DDX55: variants seen among roughly 807,000 people sequenced by gnomAD.
The protein encoded by DDX55 is ATP-dependent RNA helicase DDX55.
Under a neutral mutation model 69.2 loss-of-function variants are expected in DDX55, and 56 were observed. The observed-to-expected ratio is 0.81, with a 90% confidence interval of 0.65 to 1.01. DDX55 has a LOEUF of 1.01. Ranked by LOEUF, DDX55 falls within the 50% of genes least tolerant of loss-of-function variation. The pLI, the probability that DDX55 is intolerant of heterozygous loss-of-function variation, is 0.00. For synonymous variants in DDX55, 268 were observed against 273.1 expected, an observed-to-expected ratio of 0.98 and a Z score of 0.18; for missense variants, 720 against 745.1, an observed-to-expected ratio of 0.97 and a Z score of 0.39.
At chr12:123,612,137 C>G (rs573877779) in intron 7 of DDX55, among the ~76,000 whole-genome samples, 1 of 152,156 alleles carries the variant, frequency 6.6e-6, no homozygotes, top group Non-Finnish European at 1.5e-5. Flanking sequence ...AGGAAATACT[C>G]GGAGCATTTT....
chr12:123,618,894 C>G, intron 12 of DDX55, 57 bp downstream of exon 12: 3 of 1,586,828 alleles, frequency 1.9e-6, no homozygotes, highest in Non-Finnish European at 2.6e-6. Context: ...GGTGGTCTTA[C>G]AAGTATGAGA....
At position 123,608,761 on chromosome 12, in the gene DDX55, T is replaced by C; in HGVS notation, c.483T>C (p.Cys161=). The C allele has an allele frequency of 1.2e-6, 2 of 1,614,162 alleles. No homozygotes were observed. Among genetic ancestry groups the C allele is most frequent in the East Asian group, 2.2e-5 (1 of 44,878 alleles). ...CCGAAGGCTTGGATCTGGCCAGCTG[T>C]GTGCGATCCCTGGATGTCCTGGTGT... is the stretch of plus-strand genomic sequence containing the variant. The part of the protein sequence containing the change: ...RKAEGLDLAS[C]VRSLDVLVLD... Residue 161 remains cysteine, a synonymous_variant, in exon 6 of 14, where the codon TGT becomes TGC. Coordinates refer to ENST00000238146, the MANE Select transcript of DDX55 (RefSeq NM_020936.3).
In DDX55 at chr12:123,617,794, T is replaced by A; in HGVS notation, c.1086T>A (p.Ile362=). The A allele has an allele frequency of 6.2e-7, 1 of 1,613,600 alleles. No homozygotes were observed. Among genetic ancestry groups the A allele is most frequent in the Non-Finnish European group, 8.5e-7 (1 of 1,179,886 alleles). ...ATCGCTGCGGTCGCACAGCTCGCAT[T>A]GGCCACGGGGGCAGCGCTCTGGTGT... ...FVHRCGRTAR[I]GHGGSALVFL... The change falls in exon 11 of 14, where the codon ATT becomes ATA. Residue 362 remains isoleucine (I), a synonymous_variant. Coordinates refer to ENST00000238146, the MANE Select transcript of DDX55 (RefSeq NM_020936.3).
chr12:123,613,219 A>G lies in DDX55; in HGVS notation c.791A>G (p.Asn264Ser), dbSNP rs11057306. ...KFNQLVHFLR[N>S]HKQEKHLVFF... The stretch of plus-strand genomic sequence containing the variant: ...AATCAGCTGGTCCATTTTCTTCGCA[A>G]TCATAAGCAGGAGAAACACCTGGTC... Residue 264 changes from asparagine to serine, a missense_variant, in exon 8 of 14, where the codon AAT becomes AGT. Asn to Ser is a conservative substitution (Grantham distance 46). Transcript: ENST00000238146. The G allele has an allele frequency of 0.14, 219,527 of 1,613,456 alleles. 17,499 individuals are homozygous for G. Among genetic ancestry groups the G allele is most frequent in the African/African-American group, 0.34 (25,447 of 74,898 alleles).
Position 123,620,242 on chromosome 12 carries a change from GA to G in DDX55, c.*106del. 8.9e-7 allele frequency: 1 copy of G among 1,129,192 alleles called. No individual in the cohort carries two copies. The highest frequency in any genetic ancestry group is 1.7e-5 in the South Asian group (1 of 57,340). 69.9% of individuals were successfully genotyped at this position (1,129,192 alleles called of 1,614,324 possible). A position where few individuals can be genotyped will look rare whatever the true frequency, so the allele number is the denominator to read the frequency against. On this transcript the variant is annotated 3_prime_UTR_variant, in exon 14 of 14. Transcript: ENST00000238146. ...AAAATCACAACTTCAGGAGACATCT[GA>G]AAAGAATGATGTCTCTGAAAGCTGT...
chr12:123,606,136 G>C lies in DDX55; in HGVS notation c.223G>C (p.Glu75Gln). 1 of 1,614,152 alleles carries C rather than the reference G, an allele frequency of 6.2e-7. No individual in the cohort carries two copies. The highest frequency in any genetic ancestry group is 1.7e-5 in the Admixed American group (1 of 60,020). ...IPILEILLRR[E>Q]EKLKKSQVGA... ...CATCCTGGAAATTCTTCTGAGAAGA[G>C]AAGAGAAGTTAAAAAAGAGTCAGGT... Residue 75 changes from glutamate to glutamine, a missense_variant, in exon 3 of 14, where the codon GAA becomes CAA. Glu to Gln is a conservative substitution (Grantham distance 29). Transcript: ENST00000238146.
At chr12:123,612,019 T>C (rs1455047877) in intron 7 of DDX55, among the ~76,000 whole-genome samples, 2 of 152,358 alleles carry the variant, frequency 1.3e-5, no homozygotes, top group East Asian at 3.9e-4. Context: ...ATGTTCATGA[T>C]AGTGCTTAGT....
At chr12:123,604,485 G>T (rs891937974) in intron 1 of DDX55, among the ~76,000 whole-genome samples, 5 of 152,140 alleles carry the variant, frequency 3.3e-5, no homozygotes, top group Non-Finnish European at 7.4e-5. Flanking sequence ...ATGAAAACTG[G>T]GAGTGCTATG....
At chr12:123,617,522 A>T (rs780629768) in intron 10 of DDX55, among the ~76,000 whole-genome samples, 4 of 152,266 alleles carry the variant, frequency 2.6e-5, no homozygotes, top group Non-Finnish European at 5.9e-5. Flanking sequence ...AGAGAGAAAG[A>T]TACAAGTTTT....
Position 123,602,232 on chromosome 12 carries a change from C to T in DDX55, c.84C>T (p.Gly28=), listed in dbSNP as rs1953606041. The change falls in exon 1 of 14, where the codon GGC becomes GGT. Residue 28 remains glycine, a synonymous_variant. Coordinates refer to ENST00000238146, the MANE Select transcript of DDX55 (RefSeq NM_020936.3). ...TGCTGGGCGCGCTGCGGGAGCTGGG[C>T]TTCCCGTACATGACGCCGGTGCAGG... The part of the protein sequence containing the change: ...PQVLGALREL[G]FPYMTPVQSA... 1 of 1,569,454 alleles carries T rather than the reference C, an allele frequency of 6.4e-7. No individual in the cohort carries two copies. The highest frequency in any genetic ancestry group is 8.6e-7 in the Non-Finnish European group (1 of 1,160,070).
chr12:123,608,832 A>C lies in DDX55; in HGVS notation c.551+3A>C. On this transcript the variant is annotated splice_donor_region_variant and intron_variant, in intron 6 of 13. Coordinates refer to ENST00000238146, the MANE Select transcript of DDX55 (RefSeq NM_020936.3). ...CTGGACATGGGGTTTGAGGCAAGGT[A>C]CTGGACTTTGGACTTCACTGGCTTG... The C allele has an allele frequency of 1.9e-6, 3 of 1,612,680 alleles. No individual in the cohort carries two copies. The highest frequency in any genetic ancestry group is 2.5e-6 in the Non-Finnish European group (3 of 1,179,122).
At chr12:123,619,084 G>A (rs1487020444) in intron 12 of DDX55, among the ~76,000 whole-genome samples, 4 of 152,226 alleles carry the variant, frequency 2.6e-5, no homozygotes, top group Non-Finnish European at 5.9e-5. Context: ...CTCACTGTAA[G>A]CTCTGCCTCC....
At chr12:123,617,966 C>G in intron 11 of DDX55, 94 bp downstream of exon 11, 1 of 1,204,902 alleles carries the variant, frequency 8.3e-7, no homozygotes, top group Non-Finnish European at 1.2e-6. Context: ...TTACGAATTG[C>G]AAACTCACTG....
intron 11 of DDX55, chr12:123,618,314 C>T (rs1453013937): frequency 3.6e-6 from 2 of 554,064 alleles, no homozygotes; most frequent in East Asian, 9.6e-5. Flanking sequence ...GCCCGGCCAC[C>T]CTGGTGGGCT....
intron 6 of DDX55, among the ~76,000 whole-genome samples, chr12:123,609,397 CAG>C (rs1205006268): frequency 3.2e-5 from 4 of 124,082 alleles, no homozygotes; most frequent in Non-Finnish European, 4.8e-5. Flanking sequence ...TTTTTTGAGA[CAG>C]GGTCTCACTC....
intron 6 of DDX55, among the ~76,000 whole-genome samples, chr12:123,609,232 G>A (rs1240035931): frequency 1.3e-5 from 2 of 152,086 alleles, no homozygotes; most frequent in Non-Finnish European, 2.9e-5. Context: ...GATTACAGGT[G>A]CCAGCCACCA....
intron 13 of DDX55, 60 bp from the exon 14 acceptor site, chr12:123,619,904 G>A: frequency 6.4e-7 from 1 of 1,554,744 alleles, no homozygotes; most frequent in South Asian, 1.3e-5. Context: ...AAAACTGCTG[G>A]TTTCACTACA....
intron 9 of DDX55, 125 bp from the exon 10 acceptor site, chr12:123,616,380 ATTACCT>A (rs1954667670): frequency 1.6e-5 from 12 of 751,936 alleles, no homozygotes; most frequent in Non-Finnish European, 2.4e-5. Flanking sequence ...AAATCAAAAT[ATTACCT>A]TAAACATTTG....
intron 1 of DDX55, among the ~76,000 whole-genome samples, chr12:123,603,690 A>AT (rs1351375790): frequency 6.6e-6 from 1 of 151,782 alleles, no homozygotes. Context: ...CACCCGGCTG[A>AT]TTTTTATTAG....
Sources: allele counts gnomAD v4.1 joint callset (sites outside exome capture counted in the v4.1 genomes callset), GRCh38; gene constraint gnomAD v4.1.1; transcripts MANE v1.5; gene names NCBI Gene and HGNC (gene_info 2026-07-23, HGNC 2026-07-21).